Variants in DRC11L observed in about 807,000 individuals in gnomAD.
DRC11L encodes dynein regulatory complex subunit like-11.
the DRC11L span, among the ~76,000 whole-genome samples, chr7:151,193,641 C>T: frequency 2.6e-5 from 4 of 152,178 alleles, no homozygotes; most frequent in Non-Finnish European, 5.9e-5. Context: ...ACCAGCAGGT[C>T]CCCTAGTCCA....
chr7:151,202,867 G>C, the DRC11L span: 3 of 399,434 alleles, frequency 7.5e-6, no homozygotes, highest in Non-Finnish European at 1.3e-5. Context: ...CTTCCTGAAT[G>C]AGGTGACTCT....
At chr7:151,203,669 C>A in the DRC11L span, among the ~76,000 whole-genome samples, 1 of 152,114 alleles carries the variant, frequency 6.6e-6, no homozygotes, top group Non-Finnish European at 1.5e-5. Flanking sequence ...GCAGATACCC[C>A]CAAGAGCCAC....
the DRC11L span, chr7:151,196,481 C>T: frequency 5.0e-6 from 2 of 399,520 alleles, no homozygotes; most frequent in Non-Finnish European, 8.8e-6. Context: ...CCTCTTTCCT[C>T]TTCTCCTCCC....
chr7:151,205,355 G>A, the DRC11L span: 2 of 398,936 alleles, frequency 5.0e-6, no homozygotes, highest in Non-Finnish European at 8.8e-6. Flanking sequence ...TGCCCAAACC[G>A]CCACTCTGCC....
At chr7:151,197,110 G>A in the DRC11L span, 11 of 397,290 alleles carry the variant, frequency 2.8e-5, no homozygotes, top group East Asian at 3.6e-4. Flanking sequence ...CACAGACTCT[G>A]GCCCTAATCT....
At chr7:151,198,169 T>G in the DRC11L span, among the ~76,000 whole-genome samples, 3 of 139,532 alleles carry the variant, frequency 2.2e-5, no homozygotes, top group African/African-American at 5.2e-5. Flanking sequence ...TGGGTAGATG[T>G]GTGGATGGAT....
the DRC11L span, chr7:151,193,236 CCTT>C: frequency 2.5e-6 from 1 of 398,978 alleles, no homozygotes; most frequent in African/African-American, 2.1e-5. Context: ...AAGCCCCCCT[CCTT>C]TGTTGCCACA....
chr7:151,197,743 C>G, the DRC11L span: 3 of 396,030 alleles, frequency 7.6e-6, no homozygotes, highest in Middle Eastern at 6.4e-4. Context: ...GACCCCCTAC[C>G]CCACCCCACT....
At chr7:151,201,803 C>A in the DRC11L span, among the ~76,000 whole-genome samples, 1 of 152,156 alleles carries the variant, frequency 6.6e-6, no homozygotes, top group African/African-American at 2.4e-5. This position sits in a 1 kb window ranked among gnomAD's most constrained non-coding sequence, Gnocchi z 4.1. Flanking sequence ...AGAGCAGGGC[C>A]GGTGGCCTTA....
At chr7:151,204,093 A>C in the DRC11L span, among the ~76,000 whole-genome samples, 4 of 152,148 alleles carry the variant, frequency 2.6e-5, no homozygotes, top group Non-Finnish European at 5.9e-5. Context: ...TTGTGATGTC[A>C]ATGCTGCTGG....
At chr7:151,192,377 A>G in the DRC11L span, 3 of 399,150 alleles carry the variant, frequency 7.5e-6, no homozygotes, top group South Asian at 2.5e-4. Context: ...GGTTGTCCCA[A>G]TCAGCATCAC....
chr7:151,197,095 C>A, the DRC11L span: 16 of 399,514 alleles, frequency 4.0e-5, no homozygotes, highest in Non-Finnish European at 6.6e-5. Context: ...CTCACCTCTG[C>A]CTAGCACAGA....
chr7:151,198,618 G>T, the DRC11L span, among the ~76,000 whole-genome samples: 3 of 152,230 alleles, frequency 2.0e-5, no homozygotes, highest in African/African-American at 7.2e-5. Flanking sequence ...TACACTGGGG[G>T]CCCAAAGTTG....
the DRC11L span, among the ~76,000 whole-genome samples, chr7:151,193,907 A>C: frequency 8.7e-6 from 1 of 115,210 alleles, no homozygotes; most frequent in Non-Finnish European, 1.7e-5. Flanking sequence ...ACTCTATCTC[A>C]AAAAAAAAAA....
chr7:151,194,590 T>C, the DRC11L span: 4 of 399,318 alleles, frequency 1.0e-5, no homozygotes, highest in Non-Finnish European at 1.3e-5. Flanking sequence ...GTACAGAGAC[T>C]CCACAGACCT....
the DRC11L span, chr7:151,196,621 G>C: frequency 2.5e-6 from 1 of 399,456 alleles, no homozygotes. Flanking sequence ...ATGCATTCAT[G>C]CGTGCACAAG....
the DRC11L span, among the ~76,000 whole-genome samples, chr7:151,201,310 G>T: frequency 6.6e-6 from 1 of 152,178 alleles, no homozygotes; most frequent in South Asian, 2.1e-4. This position sits in a 1 kb window ranked among gnomAD's most constrained non-coding sequence, Gnocchi z 4.1. Flanking sequence ...TTTTCTCAGT[G>T]CTCTGGATGA....
the DRC11L span, among the ~76,000 whole-genome samples, chr7:151,204,159 G>T: frequency 6.6e-6 from 1 of 152,086 alleles, no homozygotes; most frequent in African/African-American, 2.4e-5. Flanking sequence ...AATTCCCTGC[G>T]GTTCGTGGGT....
At chr7:151,192,300 G>A in the DRC11L span, 5 of 398,972 alleles carry the variant, frequency 1.3e-5, no homozygotes, top group Admixed American at 4.4e-5. Flanking sequence ...TAGTCAGGCC[G>A]GGGCATGAAG....
Sources: gnomAD v4.1 joint callset for allele counts (sites outside exome capture counted in the v4.1 genomes callset) on GRCh38, gnomAD v4.1.1 for gene constraint, Gnocchi (gnomAD v3.1) non-coding constraint, MANE v1.5 for transcripts, NCBI Gene and HGNC (gene_info 2026-07-23, HGNC 2026-07-21) for gene names.